ROCK1: variants seen among roughly 807,000 people sequenced by gnomAD.
ROCK1 encodes Rho associated coiled-coil containing protein kinase 1, also known as rho-associated protein kinase 1.
In ROCK1, 36 loss-of-function variants were observed where a neutral mutation model predicts 196.8. The ratio of observed to expected loss-of-function variants is 0.18; its 90% CI spans 0.14 to 0.24. The LOEUF (loss-of-function observed/expected upper bound fraction) is 0.24, where lower values mean the gene tolerates loss of function less well. ROCK1 is among the 10% of genes least tolerant of loss of function. The pLI is 1.00. For missense variants in ROCK1, 920 were observed against 1,562.0 expected (o/e 0.59, Z 6.93); for synonymous variants, 443 against 515.9 (o/e 0.86, Z 1.91).
At chr18:21,039,681 G>A in intron 8 of ROCK1, 118 bp from the exon 9 acceptor site, 1 of 668,476 alleles carries the variant, frequency 1.5e-6, no homozygotes, top group East Asian at 2.7e-5. Flanking sequence ...TAGTTCTAAG[G>A]TGAAATTATA....
At chr18:21,033,027 C>G (rs1438732216) in intron 9 of ROCK1, among the ~76,000 whole-genome samples, 1 of 152,024 alleles carries the variant, frequency 6.6e-6, no homozygotes, top group African/African-American at 2.4e-5. Context: ...GACCCCAGCT[C>G]TACAGAAAAT....
At chr18:21,060,371 G>T (rs575448865) in intron 2 of ROCK1, among the ~76,000 whole-genome samples, 2 of 152,034 alleles carry the variant, frequency 1.3e-5, no homozygotes, top group African/African-American at 2.4e-5. Context: ...TAGCAAATGC[G>T]GCAAGGATGC....
intron 27 of ROCK1, among the ~76,000 whole-genome samples, chr18:20,964,131 TAAA>T (rs970003796): frequency 6.6e-6 from 1 of 150,886 alleles, no homozygotes; most frequent in Non-Finnish European, 1.5e-5. Flanking sequence ...TCCAACTACT[TAAA>T]AAAAAACTGA....
chr18:21,104,326 C>T (rs2036684421), intron 1 of ROCK1, among the ~76,000 whole-genome samples: 1 of 152,096 alleles, frequency 6.6e-6, no homozygotes, highest in South Asian at 2.1e-4. Flanking sequence ...GGGCAGGGTG[C>T]GGCGCTCATG....
At chr18:21,039,396 A>T (rs2143498712) in intron 9 of ROCK1, 76 bp downstream of exon 9, 1 of 950,982 alleles carries the variant, frequency 1.1e-6, no homozygotes. Flanking sequence ...ACAAATATTT[A>T]GCAATGTAGT....
At chr18:21,103,900 T>C (rs1598564601) in intron 1 of ROCK1, among the ~76,000 whole-genome samples, 1 of 152,366 alleles carries the variant, frequency 6.6e-6, no homozygotes, top group Non-Finnish European at 1.5e-5. Context: ...TTCAGTCCAG[T>C]GTTCTTTTCA....
chr18:21,050,274 CTTTTTA>C (rs1301667450), intron 2 of ROCK1, among the ~76,000 whole-genome samples: 1 of 150,062 alleles, frequency 6.7e-6, no homozygotes, highest in African/African-American at 2.5e-5. Context: ...ATAAATTTTT[CTTTTTA>C]TAAGGTCAGT....
intron 27 of ROCK1, among the ~76,000 whole-genome samples, chr18:20,962,588 A>G (rs977269114): frequency 2.6e-5 from 4 of 152,168 alleles, no homozygotes; most frequent in African/African-American, 9.7e-5. Flanking sequence ...GTTATATGGT[A>G]TGGCTTTATC....
chr18:21,007,208 G>A (rs557150194), intron 14 of ROCK1, among the ~76,000 whole-genome samples: 1 of 152,100 alleles, frequency 6.6e-6, no homozygotes, highest in South Asian at 2.1e-4. Flanking sequence ...AGTCATTTTT[G>A]CCCCTTCTGA....
At chr18:21,093,015 T>C (rs953741464) in intron 1 of ROCK1, among the ~76,000 whole-genome samples, 3 of 152,190 alleles carry the variant, frequency 2.0e-5, no homozygotes, top group African/African-American at 4.8e-5. Flanking sequence ...TGTATCTTGG[T>C]ATAAGCTGGC....
chr18:20,959,123 A>AT (rs1218904386), intron 29 of ROCK1, among the ~76,000 whole-genome samples: 2 of 50,792 alleles, frequency 3.9e-5, no homozygotes, highest in African/African-American at 3.0e-4. Flanking sequence ...ATTATATAAT[A>AT]TATATATTAT....
rs564562425 is a variant in ROCK1 at position 21,106,079 on chromosome 18, C to T, written c.93+4739G>A. 2.6e-5 allele frequency among the ~76,000 whole-genome samples: 4 copies of T among 152,288 alleles called. No individual in the cohort carries two copies. The South Asian group carries it at 8.3e-4, about 32-fold the overall frequency. On this transcript the variant is annotated intron_variant, in intron 1 of 32. Transcript: ENST00000399799. ...TAAGAAATAGTAGTGACAAACAGCA[C>T]AGTGTTAGAACTCAACAGGCACTAT...
At position 20,982,933 on chromosome 18, in the gene ROCK1, A is replaced by C. The variant is rs1307026531; in HGVS notation, c.2490-101T>G. On this transcript the variant is annotated intron_variant, in intron 20 of 32. Coordinates refer to ENST00000399799, the MANE Select transcript of ROCK1 (RefSeq NM_005406.3). ...GTTGCTAATATAAAAAAGTTTACTA[A>C]AACAATCTTTATTTTTTAAAAACAT... is the stretch of plus-strand genomic sequence containing the variant. The C allele has an allele frequency of 1.2e-5, 7 of 577,926 alleles. No individual in the cohort carries two copies. The Admixed American group carries it at 2.3e-4, about 19-fold the overall frequency. 35.8% of individuals were successfully genotyped at this position (577,926 alleles called of 1,614,324 possible).
Position 20,971,037 on chromosome 18 carries a change from A to G in ROCK1, c.2655-524T>C, listed in dbSNP as rs966414852. On this transcript the variant is annotated intron_variant, in intron 22 of 32. Coordinates refer to ENST00000399799, the MANE Select transcript of ROCK1 (RefSeq NM_005406.3). ...ATGAAAACTTATAAGAGATTTGCAA[A>G]TCACTACAAACTAATCTGAGAATGC... 4.6e-5 allele frequency among the ~76,000 whole-genome samples: 7 copies of G among 152,146 alleles called. 1 individual carries two copies. The highest frequency in any genetic ancestry group is 4.6e-4 in the Admixed American group (7 of 15,278).
intron 1 of ROCK1, among the ~76,000 whole-genome samples, chr18:21,084,315 A>T (rs2036507676): frequency 6.6e-6 from 1 of 152,168 alleles, no homozygotes; most frequent in African/African-American, 2.4e-5. Context: ...AAAGAACAGT[A>T]TTAACAGAGT....
intron 18 of ROCK1, among the ~76,000 whole-genome samples, chr18:20,987,574 A>T (rs2035588285): frequency 6.6e-6 from 1 of 152,216 alleles, no homozygotes; most frequent in Non-Finnish European, 1.5e-5. Context: ...AAGATTCCAC[A>T]GTAGTATACC....
chr18:21,064,371 A>C (rs2036316472), intron 2 of ROCK1, among the ~76,000 whole-genome samples: 1 of 151,100 alleles, frequency 6.6e-6, no homozygotes, highest in Non-Finnish European at 1.5e-5. Flanking sequence ...GCCTTTCTTT[A>C]CCCCATTCAA....
chr18:21,109,033 A>G (rs764078762), intron 1 of ROCK1, among the ~76,000 whole-genome samples: 3 of 152,180 alleles, frequency 2.0e-5, no homozygotes, highest in Non-Finnish European at 4.4e-5. Context: ...CCTCTTGAGT[A>G]CCCTCTACCT....
Position 20,950,957 on chromosome 18 carries a change from C to T in ROCK1, c.*427G>A, listed in dbSNP as rs945327946. 3.4e-4 allele frequency: 53 copies of T among 155,388 alleles called. No homozygotes were observed. The highest frequency in any genetic ancestry group is 6.5e-5 in the Admixed American group (1 of 15,296). The allele number at this position is 155,388 out of a possible 1,614,324, so 9.6% of individuals were successfully genotyped here. On this transcript the variant is annotated 3_prime_UTR_variant, in exon 33 of 33. Transcript: ENST00000399799. ...AAAAAAAAACAAAACTTCAGTTTGT[C>T]TCATTTTGAGATATTTTCTTTACTC...
Sources: allele counts gnomAD v4.1 joint callset (sites outside exome capture counted in the v4.1 genomes callset), GRCh38; gene constraint gnomAD v4.1.1; transcripts MANE v1.5; gene names NCBI Gene and HGNC (gene_info 2026-07-23, HGNC 2026-07-21).